The following WDR25 variants were observed in gnomAD, a reference collection of about 807,000 sequenced individuals.
WDR25 encodes the protein WD repeat-containing protein 25.
Under a neutral mutation model 47.7 loss-of-function variants are expected in WDR25, and 35 were observed. That is an observed-to-expected ratio of 0.73 (90% confidence interval 0.56 to 0.97). WDR25 has a LOEUF of 0.97. Ranked by LOEUF, WDR25 falls within the 50% of genes least tolerant of loss-of-function variation. The pLI is 0.00. For missense variants in WDR25, 634 were observed against 704.7 expected, an observed-to-expected ratio of 0.90 and a Z score of 1.14; for synonymous variants, 248 against 278.9, an observed-to-expected ratio of 0.89 and a Z score of 1.10.
rs1473742437 is a variant in WDR25, at chr14:100,428,917, C to T, written c.823-39104C>T. Among the ~76,000 whole-genome samples the T allele has an allele frequency of 1.3e-5, 2 of 152,126 alleles. No individual in the cohort carries two copies. The highest frequency in any genetic ancestry group is 4.8e-5 in the African/African-American group (2 of 41,420). ...GCGTCTTTGGCACCAGAGGCGTCAT[C>T]CCCCGAGCCACTCTGAGTCATCTAA... On this transcript the variant is annotated intron_variant, in intron 2 of 6. Coordinates refer to ENST00000402312, the MANE Select transcript of WDR25 (RefSeq NM_001161476.3). The surrounding 1 kb of genome is among the most constrained non-coding windows in gnomAD (Gnocchi z 4.3).
At chr14:100,516,029 C>T (rs1242058908) in intron 4 of WDR25, among the ~76,000 whole-genome samples, 2 of 151,476 alleles carry the variant, frequency 1.3e-5, no homozygotes, top group Admixed American at 6.6e-5. Flanking sequence ...ATTTTCTTAC[C>T]TCTTTCCAGG....
At chr14:100,459,348 C>A (rs1899301241) in intron 2 of WDR25, among the ~76,000 whole-genome samples, 1 of 152,076 alleles carries the variant, frequency 6.6e-6, no homozygotes, top group South Asian at 2.1e-4. Flanking sequence ...ACCCCCAAAG[C>A]CTCATGTTTA....
intron 4 of WDR25, among the ~76,000 whole-genome samples, chr14:100,505,537 T>G (rs1901081246): frequency 6.6e-6 from 1 of 152,234 alleles, no homozygotes; most frequent in African/African-American, 2.4e-5. Context: ...AACTTTGCTT[T>G]TCTTTTTCAA....
At position 100,381,097 on chromosome 14, in the gene WDR25, C is replaced by G; in HGVS notation, c.173C>G (p.Pro58Arg). 6.2e-7 allele frequency: 1 copy of G among 1,614,200 alleles called. No individual in the cohort carries two copies. The highest frequency in any genetic ancestry group is 8.5e-7 in the Non-Finnish European group (1 of 1,180,036). Residue 58 changes from proline to arginine, a missense_variant, in exon 2 of 7, where the codon CCC becomes CGC. Coordinates refer to ENST00000402312, the MANE Select transcript of WDR25 (RefSeq NM_001161476.3). Reference protein sequence around the residue: ...QDFASGTLDVPKAGAQPTKHG... With the variant: ...QDFASGTLDVRKAGAQPTKHG... ...TTTGCATCTGGTACACTGGATGTGC[C>G]CAAAGCAGGGGCACAGCCCACAAAG...
At chr14:100,455,701 C>G (rs1204481803) in intron 2 of WDR25, among the ~76,000 whole-genome samples, 1 of 152,174 alleles carries the variant, frequency 6.6e-6, no homozygotes, top group Non-Finnish European at 1.5e-5. Context: ...TGAAAAACTA[C>G]TCACTCTTCA....
intron 2 of WDR25, among the ~76,000 whole-genome samples, chr14:100,451,243 CTTTTT>C (rs11288233): frequency 1.5e-5 from 2 of 134,628 alleles, no homozygotes; most frequent in Non-Finnish European, 3.2e-5. Context: ...CCAAAGCATT[CTTTTT>C]TTTTTTTTTT....
intron 5 of WDR25, among the ~76,000 whole-genome samples, chr14:100,527,556 C>T (rs913714263): frequency 6.6e-6 from 1 of 152,246 alleles, no homozygotes; most frequent in Non-Finnish European, 1.5e-5. Context: ...ACTTCTAGAC[C>T]TCCACTGCAG....
chr14:100,474,104 C>T (rs1899938859), intron 3 of WDR25, among the ~76,000 whole-genome samples: 1 of 152,170 alleles, frequency 6.6e-6, no homozygotes, highest in African/African-American at 2.4e-5. Context: ...CCTCCTTGTC[C>T]AGTTAGCAGC....
intron 2 of WDR25, among the ~76,000 whole-genome samples, chr14:100,431,405 A>T (rs1481308057): frequency 1.3e-5 from 2 of 152,182 alleles, no homozygotes; most frequent in Non-Finnish European, 2.9e-5. Flanking sequence ...CAGTTAAAGG[A>T]TTATTTATAA....
chr14:100,401,216 C>T (rs113053369), intron 2 of WDR25, among the ~76,000 whole-genome samples: 3,509 of 152,270 alleles, frequency 0.023, 146 homozygotes, highest in African/African-American at 0.081. Context: ...TCCCCCTCCC[C>T]GTGGCTGCAG....
rs779521183 is a variant in WDR25, at chr14:100,381,201, A to C, written c.277A>C (p.Ser93Arg). The C allele has an allele frequency of 6.2e-7, 1 of 1,614,018 alleles. No individual in the cohort carries two copies. The highest frequency in any genetic ancestry group is 8.5e-7 in the Non-Finnish European group (1 of 1,180,034). The change falls in exon 2 of 7, where the codon AGC becomes CGC. Residue 93 changes from serine to arginine, a missense_variant. Physicochemically the swap from Ser to Arg is moderately radical, Grantham distance 110 (BLOSUM62 -1). Transcript: ENST00000402312. ...LGRSDWGSCP[S>R]QRLQWPGKEP... is the part of the protein sequence containing the mutation. ...GAGAAGCGATTGGGGATCTTGCCCC[A>C]GCCAGAGGCTACAGTGGCCCGGGAA...
intron 4 of WDR25, among the ~76,000 whole-genome samples, chr14:100,510,677 A>G (rs1294169935): frequency 2.0e-5 from 3 of 151,892 alleles, no homozygotes; most frequent in Non-Finnish European, 4.4e-5. Flanking sequence ...CGGAGGTTGC[A>G]GTGAGCCGAG....
At chr14:100,416,285 T>C (rs1050356240) in intron 2 of WDR25, among the ~76,000 whole-genome samples, 2 of 152,218 alleles carry the variant, frequency 1.3e-5, no homozygotes, top group Admixed American at 6.5e-5. Context: ...CTGGTAATCG[T>C]AGATGCCCAA....
intron 2 of WDR25, among the ~76,000 whole-genome samples, chr14:100,402,708 AT>A (rs1451386239): frequency 1.3e-5 from 2 of 152,234 alleles, no homozygotes; most frequent in Admixed American, 1.3e-4. Context: ...TAATGAGAGA[AT>A]TACAGGTGTC....
intron 2 of WDR25, among the ~76,000 whole-genome samples, chr14:100,435,155 A>G (rs902947264): frequency 2.0e-5 from 3 of 152,210 alleles, no homozygotes; most frequent in African/African-American, 7.2e-5. Context: ...TCCCATGACC[A>G]CACGTCACAC....
chr14:100,493,878 G>A (rs544031922), intron 4 of WDR25, among the ~76,000 whole-genome samples: 2 of 152,244 alleles, frequency 1.3e-5, no homozygotes, highest in Admixed American at 6.5e-5. Flanking sequence ...GAAGAGACAC[G>A]AGAGAGATGA....
intron 2 of WDR25, among the ~76,000 whole-genome samples, chr14:100,438,199 C>T (rs1332323568): frequency 1.3e-5 from 2 of 152,288 alleles, no homozygotes; most frequent in East Asian, 1.9e-4. Context: ...AAGACAGGCA[C>T]GTAGTGAAAT....
At chr14:100,508,899 GA>G (rs745834060) in intron 4 of WDR25, among the ~76,000 whole-genome samples, 14 of 151,952 alleles carry the variant, frequency 9.2e-5, no homozygotes, top group Non-Finnish European at 1.5e-4. Context: ...GAATTACATT[GA>G]TTTTTTTTAA....
In WDR25 at chr14:100,398,635, T is replaced by C. The variant is rs147321947; in HGVS notation, c.822+16889T>C. ...TAAGAAATTAACATTGGTACAACTC[T>C]GTTAATTAAACTATGGACTTTATTT... On this transcript the variant is annotated intron_variant, in intron 2 of 6. Transcript: ENST00000402312. Among the ~76,000 whole-genome samples, 461 of 151,386 alleles carry C rather than the reference T, an allele frequency of 3.0e-3. 5 individuals are homozygous for C. The highest frequency in any genetic ancestry group is 0.011 in the African/African-American group (449 of 41,154).
Sources: allele counts gnomAD v4.1 joint callset (sites outside exome capture counted in the v4.1 genomes callset), GRCh38; gene constraint gnomAD v4.1.1; non-coding constraint Gnocchi (gnomAD v3.1); transcripts MANE v1.5; gene names NCBI Gene and HGNC (gene_info 2026-07-23, HGNC 2026-07-21).